Variants in AUTS2 observed in about 807,000 individuals in gnomAD.
The protein encoded by AUTS2 is activator of transcription and developmental regulator AUTS2, also known as autism susceptibility gene 2 protein.
In AUTS2, 17 loss-of-function variants were observed where a neutral mutation model predicts 112.4. The ratio of observed to expected loss-of-function variants is 0.15; its 90% CI spans 0.10 to 0.23. The LOEUF is 0.23. Among genes scored for constraint, AUTS2 ranks in the 10% least tolerant of loss-of-function variants. The pLI, the probability that AUTS2 is intolerant of heterozygous loss-of-function variation, is 1.00. For missense variants in AUTS2, 1,510 were observed against 1,701.6 expected (o/e 0.89, Z 1.98); for synonymous variants, 751 against 702.7 (o/e 1.07, Z -1.09).
intron 4 of AUTS2, chr7:70,294,040 A>T (rs931946867): frequency 4.6e-5 from 7 of 152,168 alleles, no homozygotes; most frequent in African/African-American, 1.7e-4. Flanking sequence ...GCATAGTAGG[A>T]TATATATATG....
chr7:70,461,466 A>G (rs561586305), intron 5 of AUTS2, among the ~76,000 whole-genome samples: 15 of 152,098 alleles, frequency 9.9e-5, no homozygotes, highest in Admixed American at 7.2e-4. Flanking sequence ...GTGGGATCCG[A>G]GTCCCTGCGT....
intron 1 of AUTS2, among the ~76,000 whole-genome samples, chr7:69,655,022 C>T (rs181371498): frequency 7.9e-5 from 12 of 152,254 alleles, no homozygotes; most frequent in Admixed American, 5.9e-4. Context: ...TGAGTATCCA[C>T]AGGCAGCAAG....
intron 1 of AUTS2, among the ~76,000 whole-genome samples, chr7:69,876,361 T>TATA (rs1793770698): frequency 9.2e-6 from 1 of 108,606 alleles, no homozygotes; most frequent in Admixed American, 1.1e-4. Flanking sequence ...TATATATATA[T>TATA]ATATATATAT....
chr7:69,952,041 A>G (rs1009257593), intron 2 of AUTS2, among the ~76,000 whole-genome samples: 4 of 152,174 alleles, frequency 2.6e-5, no homozygotes, highest in Admixed American at 2.0e-4. Flanking sequence ...AATTCTAGGT[A>G]CCTTCGTTGC....
At chr7:70,119,911 G>C (rs1805595534) in intron 3 of AUTS2, 2 of 152,128 alleles carry the variant, frequency 1.3e-5, no homozygotes, top group Non-Finnish European at 2.9e-5. Context: ...GATTCATTGA[G>C]TTCCAGAAAG....
chr7:69,951,469 A>G (rs757268933), intron 2 of AUTS2, among the ~76,000 whole-genome samples: 24 of 152,192 alleles, frequency 1.6e-4, no homozygotes, highest in Non-Finnish European at 2.6e-4. Flanking sequence ...ATCTGGAACC[A>G]TGGAAAACTG....
intron 5 of AUTS2, among the ~76,000 whole-genome samples, chr7:70,460,543 G>A (rs1048539555): frequency 6.6e-6 from 1 of 151,786 alleles, no homozygotes; most frequent in Non-Finnish European, 1.5e-5. Flanking sequence ...TAGAGATGGG[G>A]TTTCACCATG....
intron 5 of AUTS2, among the ~76,000 whole-genome samples, chr7:70,668,657 A>G (rs1473366627): frequency 6.6e-6 from 1 of 152,198 alleles, no homozygotes; most frequent in African/African-American, 2.4e-5. Context: ...AGTGGCCTCA[A>G]ATTCCCCAGC....
chr7:70,305,729 T>C (rs1020732068), intron 4 of AUTS2, among the ~76,000 whole-genome samples: 2 of 152,234 alleles, frequency 1.3e-5, no homozygotes, highest in Admixed American at 6.5e-5. Flanking sequence ...ACAGGAAAGA[T>C]AGACTTTAAA....
intron 2 of AUTS2, among the ~76,000 whole-genome samples, chr7:70,104,378 C>A (rs1424350517): frequency 6.6e-6 from 1 of 151,982 alleles, no homozygotes; most frequent in Non-Finnish European, 1.5e-5. Context: ...TACATAGTTT[C>A]AGTACACATT....
At chr7:70,142,154 A>G (rs567180776) in intron 4 of AUTS2, among the ~76,000 whole-genome samples, 19 of 152,154 alleles carry the variant, frequency 1.2e-4, no homozygotes, top group Non-Finnish European at 2.5e-4. Flanking sequence ...CTTTAAGGAG[A>G]TAAGCGGAAA....
chr7:69,654,564 G>C (rs984165927), intron 1 of AUTS2, among the ~76,000 whole-genome samples: 4 of 152,154 alleles, frequency 2.6e-5, no homozygotes, highest in African/African-American at 7.2e-5. Flanking sequence ...GCTCAGGGAG[G>C]TTCAATAACA....
chr7:70,653,946 A>T (rs1657047708), intron 5 of AUTS2, among the ~76,000 whole-genome samples: 2 of 152,170 alleles, frequency 1.3e-5, no homozygotes, highest in African/African-American at 2.4e-5. Flanking sequence ...ATATTCTTTA[A>T]TGATAATATC....
intron 5 of AUTS2, among the ~76,000 whole-genome samples, chr7:70,557,644 G>A (rs1049740496): frequency 3.3e-5 from 5 of 152,228 alleles, no homozygotes; most frequent in Non-Finnish European, 7.3e-5. Context: ...ATGTTAATCA[G>A]TGCCAGTGCA....
intron 3 of AUTS2, among the ~76,000 whole-genome samples, chr7:70,132,027 G>C (rs1232732393): frequency 6.6e-6 from 1 of 151,996 alleles, no homozygotes. Flanking sequence ...CAAGAAAAAT[G>C]TGGTGAAAAG....
chr7:70,562,598 G>A (rs995121769), intron 5 of AUTS2, among the ~76,000 whole-genome samples: 9 of 152,174 alleles, frequency 5.9e-5, no homozygotes, highest in Non-Finnish European at 5.9e-5. Context: ...ATGATTCCAT[G>A]TCCACAGGTC....
At chr7:69,600,336 T>A (rs965499476) in intron 1 of AUTS2, among the ~76,000 whole-genome samples, 1 of 151,854 alleles carries the variant, frequency 6.6e-6, no homozygotes, top group South Asian at 2.1e-4. Context: ...GCTTCTTGGC[T>A]GGTGGAAGTC....
At position 70,083,422 on chromosome 7, in the gene AUTS2, G is replaced by T. The variant is rs371505249; in HGVS notation, c.523-34710G>T. 8.5e-4 allele frequency among the ~76,000 whole-genome samples: 129 copies of T among 152,208 alleles called. 3 individuals carry two copies. In the South Asian group the frequency reaches 0.027, roughly 32 times the overall value. ...ACTAATTTCTAAAACTTTCAAATTT[G>T]TCTTTAAAAAATTGCACCCATATAG... On this transcript the variant is annotated intron_variant, in intron 2 of 18. Coordinates refer to ENST00000342771, the MANE Select transcript of AUTS2 (RefSeq NM_015570.4).
At chr7:70,442,521 C>T (rs974933483) in intron 5 of AUTS2, among the ~76,000 whole-genome samples, 2 of 152,052 alleles carry the variant, frequency 1.3e-5, no homozygotes, top group African/African-American at 2.4e-5. Flanking sequence ...AATGGAGTCT[C>T]GCTCTGTCAC....
Sources: allele counts gnomAD v4.1 joint callset (sites outside exome capture counted in the v4.1 genomes callset), GRCh38; gene constraint gnomAD v4.1.1; transcripts MANE v1.5; gene names NCBI Gene and HGNC (gene_info 2026-07-23, HGNC 2026-07-21).